The following SORCS2 variants were observed in gnomAD, a reference collection of about 807,000 sequenced individuals.
The protein encoded by SORCS2 is VPS10 domain-containing receptor SorCS2.
Under a neutral mutation model 141.6 loss-of-function variants are expected in SORCS2, and 100 were observed. The ratio of observed to expected loss-of-function variants is 0.71; its 90% CI spans 0.60 to 0.83. SORCS2 has a LOEUF of 0.83. SORCS2 is among the 40% of genes least tolerant of loss of function. The pLI, the probability that SORCS2 is intolerant of heterozygous loss-of-function variation, is 0.00. For missense variants in SORCS2, 1,646 were observed against 1,560.2 expected (o/e 1.05, Z -0.93); for synonymous variants, 789 against 676.9 (o/e 1.17, Z -2.57).
intron 2 of SORCS2, among the ~76,000 whole-genome samples, chr4:7,418,714 A>C (rs374574518): frequency 0.16 from 16,776 of 102,136 alleles, 1,391 homozygotes; most frequent in African/African-American, 0.26. Context: ...CCCCCCCCCC[A>C]CCAGATTTGT....
chr4:7,440,841 C>G (rs1727615105), intron 2 of SORCS2, among the ~76,000 whole-genome samples: 1 of 152,172 alleles, frequency 6.6e-6, no homozygotes, highest in Admixed American at 6.5e-5. Context: ...CGATCATTTT[C>G]CAAGCCCTGC....
intron 1 of SORCS2, among the ~76,000 whole-genome samples, chr4:7,349,501 G>A (rs1720821740): frequency 6.6e-6 from 1 of 152,142 alleles, no homozygotes; most frequent in African/African-American, 2.4e-5. Flanking sequence ...AGGTCACCGG[G>A]TCATGGGGCA....
intron 2 of SORCS2, among the ~76,000 whole-genome samples, chr4:7,464,756 T>G (rs899560351): frequency 1.3e-5 from 2 of 152,242 alleles, no homozygotes; most frequent in Non-Finnish European, 2.9e-5. Flanking sequence ...TCCTCCATAG[T>G]CCAGACTTTC....
At chr4:7,436,930 C>T (rs143941212) in intron 2 of SORCS2, among the ~76,000 whole-genome samples, 330 of 152,088 alleles carry the variant, frequency 2.2e-3, no homozygotes, top group Middle Eastern at 3.4e-3. Context: ...ACTGCTGGAT[C>T]GCTTTCCAAA....
chr4:7,302,764 C>G (rs1717514600), intron 1 of SORCS2, among the ~76,000 whole-genome samples: 1 of 53,420 alleles, frequency 1.9e-5, no homozygotes, highest in Admixed American at 1.9e-4. Flanking sequence ...GTAGACAGTC[C>G]ACATATGTGT....
At chr4:7,226,781 G>T (rs540577988) in intron 1 of SORCS2, among the ~76,000 whole-genome samples, 1 of 152,186 alleles carries the variant, frequency 6.6e-6, no homozygotes, top group African/African-American at 2.4e-5. Flanking sequence ...GGGATGGAAG[G>T]GGGGCACGCC....
intron 8 of SORCS2, among the ~76,000 whole-genome samples, chr4:7,674,578 T>TAA (rs377431157): frequency 5.1e-4 from 42 of 82,582 alleles, no homozygotes; most frequent in African/African-American, 1.1e-3. Flanking sequence ...TGTCTCAAAA[T>TAA]AAAAAAAAAA....
intron 3 of SORCS2, among the ~76,000 whole-genome samples, chr4:7,576,316 T>C (rs1715749075): frequency 6.6e-6 from 1 of 152,188 alleles, no homozygotes; most frequent in African/African-American, 2.4e-5. Flanking sequence ...AGCAATTGCA[T>C]CCTAAAGATA....
chr4:7,637,117 G>A (rs894107547), intron 3 of SORCS2, among the ~76,000 whole-genome samples: 1 of 152,220 alleles, frequency 6.6e-6, no homozygotes, highest in African/African-American at 2.4e-5. Context: ...ATCCTGAGAT[G>A]CTTAGCCACG....
intron 1 of SORCS2, among the ~76,000 whole-genome samples, chr4:7,374,972 C>T (rs1362270641): frequency 6.6e-6 from 1 of 152,134 alleles, no homozygotes; most frequent in Non-Finnish European, 1.5e-5. Context: ...TTGTTTCAGG[C>T]AAATTGACAT....
intron 22 of SORCS2, among the ~76,000 whole-genome samples, chr4:7,728,690 G>T (rs928890813): frequency 1.3e-5 from 2 of 152,192 alleles, no homozygotes; most frequent in Non-Finnish European, 2.9e-5. Flanking sequence ...CACAGGGGAG[G>T]GACCACAGGC....
intron 3 of SORCS2, among the ~76,000 whole-genome samples, chr4:7,558,814 T>A (rs1475949764): frequency 2.6e-5 from 4 of 152,120 alleles, no homozygotes; most frequent in African/African-American, 9.7e-5. Context: ...TGGCCCCGCC[T>A]CACCCTAGGG....
intron 1 of SORCS2, among the ~76,000 whole-genome samples, chr4:7,322,795 G>T (rs950508729): frequency 3.9e-5 from 6 of 152,112 alleles, no homozygotes; most frequent in African/African-American, 1.2e-4. Flanking sequence ...TTCAAATGAG[G>T]TGCTGAGAGG....
At chr4:7,473,655 T>C (rs71612273) in intron 2 of SORCS2, among the ~76,000 whole-genome samples, 21,721 of 151,770 alleles carry the variant, frequency 0.14, 2,140 homozygotes, top group African/African-American at 0.26. Flanking sequence ...TCCGTCACCC[T>C]GGAGGCAGTG....
chr4:7,411,966 C>G (rs1054108405), intron 2 of SORCS2, among the ~76,000 whole-genome samples: 3 of 152,206 alleles, frequency 2.0e-5, no homozygotes, highest in African/African-American at 7.2e-5. Flanking sequence ...TGCTCCCAGC[C>G]CAGCACACCC....
intron 3 of SORCS2, among the ~76,000 whole-genome samples, chr4:7,532,435 G>C (rs1273052626): frequency 6.6e-6 from 1 of 152,222 alleles, no homozygotes; most frequent in Admixed American, 6.5e-5. Flanking sequence ...CATGATGCTC[G>C]GCATGAGGTG....
At chr4:7,202,932 G>A (rs368401855) in intron 1 of SORCS2, among the ~76,000 whole-genome samples, 4 of 151,818 alleles carry the variant, frequency 2.6e-5, no homozygotes, top group East Asian at 3.9e-4. Flanking sequence ...TCTACGTGCC[G>A]GATGCTGCGT....
chr4:7,722,934 G>A lies in SORCS2; in HGVS notation c.2425-763G>A, dbSNP rs139666827. Among the ~76,000 whole-genome samples the A allele has an allele frequency of 3.3e-4, 50 of 152,252 alleles. No individual in the cohort carries two copies. The East Asian group carries it at 9.3e-3, about 28-fold the overall frequency. ...ACGGTTTCCTCGTGCCCCTGGTGCC[G>A]GCGAGGGAGGAAGAGGGAAGGGGAG... On this transcript the variant is annotated intron_variant, in intron 18 of 26. Coordinates refer to ENST00000507866, the MANE Select transcript of SORCS2 (RefSeq NM_020777.3).
In SORCS2 at chr4:7,272,575, C is replaced by T. The variant is rs73206444; in HGVS notation, c.480+79449C>T. On this transcript the variant is annotated intron_variant, in intron 1 of 26. Transcript: ENST00000507866. ...AGGACCTGCTGTAAATCACTAGGCACGTGCCCATGCAGGCTTCCTCAGAGG... is the reference window on the plus strand; with the variant it reads ...AGGACCTGCTGTAAATCACTAGGCATGTGCCCATGCAGGCTTCCTCAGAGG... 7.6e-3 allele frequency among the ~76,000 whole-genome samples: 1,154 copies of T among 152,342 alleles called. 7 individuals are homozygous for T. Among genetic ancestry groups the T allele is most frequent in the Non-Finnish European group, 0.012 (849 of 68,032 alleles).
Sources: gnomAD v4.1 joint callset for allele counts (sites outside exome capture counted in the v4.1 genomes callset) on GRCh38, gnomAD v4.1.1 for gene constraint, MANE v1.5 for transcripts, NCBI Gene and HGNC (gene_info 2026-07-23, HGNC 2026-07-21) for gene names.